Variants in ITGA6 observed in about 807,000 individuals in gnomAD.
ITGA6 encodes integrin subunit alpha 6.
A neutral mutation model predicts 133.6 loss-of-function variants in ITGA6; 63 were observed. That is an observed-to-expected ratio of 0.47 (90% CI 0.38 to 0.58). The LOEUF is 0.58. Ranked by LOEUF, ITGA6 falls within the 20% of genes least tolerant of loss-of-function variation. The pLI is 0.00. For synonymous variants in ITGA6, 434 were observed against 482.0 expected, an observed-to-expected ratio of 0.90 and a Z score of 1.30; for missense variants, 1,068 against 1,309.4, an observed-to-expected ratio of 0.82 and a Z score of 2.85.
chr2:172,450,938 TATA>T (rs1315998630), intron 1 of ITGA6, among the ~76,000 whole-genome samples: 2 of 143,104 alleles, frequency 1.4e-5, no homozygotes, highest in East Asian at 3.9e-4. Context: ...TTTAAATAAA[TATA>T]AATATATTTA....
intron 23 of ITGA6, among the ~76,000 whole-genome samples, chr2:172,493,511 A>G (rs1269344002): frequency 2.6e-5 from 4 of 152,134 alleles, no homozygotes; most frequent in Non-Finnish European, 5.9e-5. Flanking sequence ...CTTACTAGAT[A>G]CTTTATACTC....
chr2:172,494,051 C>A (rs980343808), intron 23 of ITGA6, among the ~76,000 whole-genome samples: 1 of 152,210 alleles, frequency 6.6e-6, no homozygotes, highest in Admixed American at 6.5e-5. Flanking sequence ...CTCTAGTCTT[C>A]TGACACCTTT....
intron 11 of ITGA6, among the ~76,000 whole-genome samples, chr2:172,480,325 T>G (rs1314076246): frequency 3.3e-5 from 5 of 152,200 alleles, no homozygotes; most frequent in Non-Finnish European, 7.3e-5. Context: ...CCACAACCAT[T>G]TCCTCCATTT....
chr2:172,478,373 C>T (rs923960542), intron 9 of ITGA6, among the ~76,000 whole-genome samples: 6 of 152,166 alleles, frequency 3.9e-5, no homozygotes, highest in African/African-American at 9.7e-5. Context: ...CACTGTTCTC[C>T]AGAATGGCTG....
At chr2:172,429,726 G>A (rs6721624) in intron 1 of ITGA6, among the ~76,000 whole-genome samples, 88,573 of 152,044 alleles carry the variant, frequency 0.58, 26,994 homozygotes, top group African/African-American at 0.75. Context: ...TGCCTTCTAG[G>A]AAAGCTCTTC....
chr2:172,454,432 G>A (rs543436576), intron 1 of ITGA6, among the ~76,000 whole-genome samples: 2 of 152,196 alleles, frequency 1.3e-5, no homozygotes, highest in African/African-American at 4.8e-5. Context: ...GGAGAGTGGT[G>A]GTGGTTGGAG....
rs186777127 is a variant in ITGA6 at position 172,470,850 on chromosome 2, T to G, written c.644-124T>G. ...CCATAAAAGTCATCTCTGTCCTTCC[T>G]TTTTTTCCTCCAAATTTTTTTTCCT... On this transcript the variant is annotated intron_variant, in intron 4 of 25. Coordinates refer to ENST00000684293, the MANE Select transcript of ITGA6 (RefSeq NM_000210.4). 2.2e-4 allele frequency: 205 copies of G among 934,134 alleles called. 1 individual carries two copies. In the African/African-American group the frequency reaches 2.8e-3, roughly 13 times the overall value. The allele number at this position is 934,134 out of a possible 1,614,324, so 57.9% of individuals were successfully genotyped here.
intron 1 of ITGA6, among the ~76,000 whole-genome samples, chr2:172,454,222 T>C (rs1574342741): frequency 6.6e-6 from 1 of 152,036 alleles, no homozygotes; most frequent in African/African-American, 2.4e-5. Flanking sequence ...TAGCTAGGAC[T>C]ACAGGTGCGT....
At chr2:172,471,222 G>C (rs902572064) in intron 5 of ITGA6, 117 bp downstream of exon 5, 1 of 1,189,816 alleles carries the variant, frequency 8.4e-7, no homozygotes, top group East Asian at 2.4e-5. Flanking sequence ...AGGTGGGGCC[G>C]GGCCACTTTT....
intron 1 of ITGA6, among the ~76,000 whole-genome samples, chr2:172,454,091 G>GTTT (rs35793204): frequency 4.2e-5 from 6 of 143,054 alleles, no homozygotes; most frequent in African/African-American, 1.6e-4. Flanking sequence ...GTTTTGTTTT[G>GTTT]TTTTTTTTTT....
At chr2:172,493,147 A>G (rs1686991078) in intron 23 of ITGA6, among the ~76,000 whole-genome samples, 1 of 152,176 alleles carries the variant, frequency 6.6e-6, no homozygotes, top group African/African-American at 2.4e-5. Context: ...GACTCAAGCA[A>G]TCCGCCTGCC....
In ITGA6 at chr2:172,471,076, T is replaced by C. The variant is rs756828299; in HGVS notation, c.746T>C (p.Leu249Pro). 2.5e-6 allele frequency: 4 copies of C among 1,614,260 alleles called. No homozygotes were observed. The highest frequency in any genetic ancestry group is 3.4e-6 in the Non-Finnish European group (4 of 1,180,042). The change falls in exon 5 of 26, where the codon CTC becomes CCC. Residue 249 changes from leucine to proline, a missense_variant. Around this residue, in one of 3 missense-constraint regions of ITGA6, gnomAD observed 317 missense variants for 456.9 expected, o/e 0.69. Coordinates refer to ENST00000684293, the MANE Select transcript of ITGA6 (RefSeq NM_000210.4). The stretch of plus-strand genomic sequence containing the variant: ...GGAGAGACTGAGCATGATGAAAGTC[T>C]CGTTCCTGTTCCTGCTAACAGTTAC... The part of the protein sequence containing the change: ...VGGETEHDES[L>P]VPVPANSYLG...
chr2:172,490,837 T>C (rs1686889258), intron 20 of ITGA6, 187 bp from the exon 21 acceptor site: 1 of 565,416 alleles, frequency 1.8e-6, no homozygotes, highest in Non-Finnish European at 3.2e-6. Context: ...AGTAAATCAA[T>C]AAACTTGAAT....
At chr2:172,435,027 A>AGTGTGT (rs72087668) in intron 1 of ITGA6, among the ~76,000 whole-genome samples, 7,869 of 144,036 alleles carry the variant, frequency 0.055, 479 homozygotes, top group East Asian at 0.3. Flanking sequence ...GGTGGTTTTA[A>AGTGTGT]GTGTGTGTGT....
At chr2:172,482,198 TC>T (rs1305979088) in intron 11 of ITGA6, among the ~76,000 whole-genome samples, 2 of 152,208 alleles carry the variant, frequency 1.3e-5, no homozygotes, top group Non-Finnish European at 1.5e-5. Context: ...ATGTAGCTAC[TC>T]CATTAACCAA....
chr2:172,506,186 T>TAA lies in ITGA6; in HGVS notation c.*2121_*2122dup, dbSNP rs1171381335. On this transcript the variant is annotated 3_prime_UTR_variant, in exon 26 of 26. Transcript: ENST00000684293. ...ATAAAAGTGTGAAATAAATTTTTTA[T>TAA]AAAAGTGTTCATTGTTTCGTAACAC... 1.3e-5 allele frequency: 2 copies of TAA among 152,788 alleles called. No homozygotes were observed. Among genetic ancestry groups the TAA allele is most frequent in the Admixed American group, 1.3e-4 (2 of 15,306 alleles). The allele number at this position is 152,788 out of a possible 1,614,324, so 9.5% of individuals were successfully genotyped here. A position where few individuals can be genotyped will look rare whatever the true frequency, so the allele number is the denominator to read the frequency against.
At chr2:172,434,438 C>T (rs754169013) in intron 1 of ITGA6, among the ~76,000 whole-genome samples, 2 of 152,128 alleles carry the variant, frequency 1.3e-5, no homozygotes, top group African/African-American at 2.4e-5. Context: ...ACCAGCATAC[C>T]GATTCCGAGG....
intron 6 of ITGA6, 44 bp from the exon 7 acceptor site, chr2:172,474,885 G>GTTA (rs769398295): frequency 3.2e-6 from 3 of 938,836 alleles, no homozygotes; most frequent in Non-Finnish European, 5.3e-6. Flanking sequence ...TTGCTGGTAT[G>GTTA]TTAGCTGTTG....
At position 172,476,456 on chromosome 2, in the gene ITGA6, G is replaced by A. The variant is rs774992379; in HGVS notation, c.1331G>A (p.Arg444Gln). Residue 444 changes from arginine to glutamine, a missense_variant, in exon 9 of 26, where the codon CGA (arginine) becomes CAA (glutamine). Arg to Gln is a conservative substitution (Grantham distance 43, BLOSUM62 1). Coordinates refer to ENST00000684293, the MANE Select transcript of ITGA6 (RefSeq NM_000210.4). ...ATTGCTGGAAACATGGACCTTGATC[G>A]AAATTCCTACCCTGATGTTGCTGTT... is the stretch of plus-strand genomic sequence containing the variant. The part of the protein sequence containing the change: ...YSIAGNMDLD[R>Q]NSYPDVAVGS... 9.9e-6 allele frequency: 16 copies of A among 1,612,922 alleles called. No individual in the cohort carries two copies. Among genetic ancestry groups the A allele is most frequent in the South Asian group, 4.4e-5 (4 of 91,052 alleles).
Sources: allele counts gnomAD v4.1 joint callset (sites outside exome capture counted in the v4.1 genomes callset), GRCh38; gene constraint gnomAD v4.1.1; regional missense constraint gnomAD v4.1.1; transcripts MANE v1.5; gene names NCBI Gene and HGNC (gene_info 2026-07-23, HGNC 2026-07-21).